Variants in TNS1 observed in about 807,000 individuals in gnomAD.
The protein encoded by TNS1 is tensin-1.
Under a neutral mutation model 168.6 loss-of-function variants are expected in TNS1, and 62 were observed. That is an observed-to-expected ratio of 0.37 (90% CI 0.30 to 0.45). The LOEUF (loss-of-function observed/expected upper bound fraction) is 0.45. TNS1 is among the 20% of genes least tolerant of loss of function. TNS1 has a pLI of 1.00. For synonymous variants in TNS1, 934 were observed against 933.2 expected (o/e 1.00, Z -0.02); for missense variants, 2,240 against 2,339.4 (o/e 0.96, Z 0.88).
chr2:218,028,135 C>T (rs1234344437), intron 1 of TNS1, among the ~76,000 whole-genome samples: 2 of 152,192 alleles, frequency 1.3e-5, no homozygotes, highest in Non-Finnish European at 2.9e-5. Flanking sequence ...TTTTCTCATG[C>T]TCTTCAAACC....
intron 1 of TNS1, among the ~76,000 whole-genome samples, chr2:218,019,071 C>T (rs1235495251): frequency 1.3e-5 from 2 of 151,104 alleles, no homozygotes; most frequent in African/African-American, 4.9e-5. Flanking sequence ...AGCAAGATTC[C>T]ATCGCCCAAA....
chr2:217,982,313 G>A (rs1958073272), intron 2 of TNS1, among the ~76,000 whole-genome samples: 1 of 151,848 alleles, frequency 6.6e-6, no homozygotes. Context: ...CTCTGAGCCA[G>A]AACCACCCAG....
intron 19 of TNS1, among the ~76,000 whole-genome samples, chr2:217,838,266 C>A (rs536619905): frequency 9.8e-5 from 15 of 152,324 alleles, no homozygotes; most frequent in South Asian, 2.1e-4. Context: ...ATTTGAGGCA[C>A]CGAATCTCCT....
At position 217,848,562 on chromosome 2, in the gene TNS1, T is replaced by C. The variant is rs189921106; in HGVS notation, c.1955A>G (p.Asn652Ser). 16 of 1,614,130 alleles carry C rather than the reference T, an allele frequency of 9.9e-6. No individual in the cohort carries two copies. In the Admixed American group the frequency reaches 2.0e-4, roughly 20 times the overall value. ...GTLSSLDGVT[N>S]TSEGGYPEAL... ...CTCTGGGTAGCCCCCCTCACTGGTG[T>C]TGGTGACCCCGTCCAGAGAAGAGAG... is the stretch of plus-strand genomic sequence containing the variant. Residue 652 changes from asparagine (N) to serine (S), a missense_variant, in exon 19 of 33, where the codon AAC (asparagine) becomes AGC (serine). Asn to Ser is a conservative substitution (Grantham distance 46). Transcript: ENST00000682258.
chr2:218,010,061 G>GT (rs1478667210), intron 1 of TNS1: 3 of 394,274 alleles, frequency 7.6e-6, no homozygotes, highest in African/African-American at 4.2e-5. Flanking sequence ...GGGGGCGGGG[G>GT]GGGGTCGGAA....
intron 3 of TNS1, among the ~76,000 whole-genome samples, chr2:217,959,784 G>A (rs533581018): frequency 2.0e-5 from 3 of 152,034 alleles, no homozygotes; most frequent in Non-Finnish European, 2.9e-5. Context: ...GGCATTAGCC[G>A]GAGGACACAG....
At chr2:217,886,483 T>G in intron 13 of TNS1, 51 bp downstream of exon 13, 2 of 1,420,224 alleles carry the variant, frequency 1.4e-6, no homozygotes, top group Non-Finnish European at 1.9e-6. Flanking sequence ...AGATGGAAGA[T>G]GAAAGGGAGG....
chr2:218,008,650 TGCTGGC>T lies in TNS1; in HGVS notation c.96+1444_96+1449del, dbSNP rs1222920314. On this transcript the variant is annotated intron_variant, in intron 1 of 32. Transcript: ENST00000646520. ...ACCTTGGGTAACTGGAACAGAAGCC[TGCTGGC>T]ACCTTTCCCCACTGCGGAACAGCAG... Among the ~76,000 whole-genome samples, 4 of 152,240 alleles carry T rather than the reference TGCTGGC, an allele frequency of 2.6e-5. No homozygotes were observed. In the East Asian group the frequency reaches 7.7e-4, roughly 29 times the overall value.
At chr2:217,949,877 T>C (rs999588244) in intron 3 of TNS1, among the ~76,000 whole-genome samples, 4 of 152,042 alleles carry the variant, frequency 2.6e-5, no homozygotes, top group Non-Finnish European at 5.9e-5. Flanking sequence ...AAAACAAGGG[T>C]TCCAAAGCCA....
chr2:217,917,715 C>T (rs1187899655), intron 4 of TNS1, among the ~76,000 whole-genome samples: 1 of 151,338 alleles, frequency 6.6e-6, no homozygotes, highest in Non-Finnish European at 1.5e-5. Context: ...CCTGTAGTCC[C>T]AGCTACTCAG....
At chr2:218,023,076 A>G (rs79048224) in intron 1 of TNS1, among the ~76,000 whole-genome samples, 4 of 152,330 alleles carry the variant, frequency 2.6e-5, no homozygotes, top group Non-Finnish European at 5.9e-5. Context: ...CAATCTGGGG[A>G]GGAGGTCCCA....
At position 217,948,454 on chromosome 2, in the gene TNS1, A is replaced by G. The variant is rs1957167226; in HGVS notation, c.187-28218T>C. On this transcript the variant is annotated intron_variant, in intron 3 of 32. Coordinates refer to ENST00000682258, the MANE Select transcript of TNS1 (RefSeq NM_001387777.1). This position sits in a 1 kb window ranked among gnomAD's most constrained non-coding sequence, Gnocchi z 4.1. ...TGGGCCTCTGAATCCTGCTAGGCCC[A>G]ACACACCCCATAGGGAGCCAGGCCC... is the stretch of plus-strand genomic sequence containing the variant. 6.6e-6 allele frequency among the ~76,000 whole-genome samples: 1 copy of G among 152,170 alleles called. No individual in the cohort carries two copies. The highest frequency in any genetic ancestry group is 2.4e-5 in the African/African-American group (1 of 41,434).
chr2:217,851,262 G>A (rs570496464), intron 18 of TNS1, among the ~76,000 whole-genome samples: 7 of 152,206 alleles, frequency 4.6e-5, no homozygotes, highest in Admixed American at 2.0e-4. Flanking sequence ...CCTTAGGCCA[G>A]AAGTGGCAGC....
At chr2:217,809,716 C>A (rs1158646088) in intron 30 of TNS1, 107 bp downstream of exon 30, 6 of 1,162,300 alleles carry the variant, frequency 5.2e-6, no homozygotes, top group African/African-American at 1.5e-5. Context: ...GGTAGATGAG[C>A]AGTTGGGTGC....
In TNS1 at chr2:217,813,889, G is replaced by A. The variant is rs1941435813; in HGVS notation, c.4730-73C>T. 6.8e-7 allele frequency: 1 copy of A among 1,471,708 alleles called. No homozygotes were observed. The highest frequency in any genetic ancestry group is 2.6e-5 in the Admixed American group (1 of 38,846). 91.2% of individuals were successfully genotyped at this position (1,471,708 alleles called of 1,614,324 possible). ...GCGCTAGTTTTACTTAAGTCTCATTGAGCCTACCGACCTTCGTTCTTTCTT... is the reference window on the plus strand; with the variant it reads ...GCGCTAGTTTTACTTAAGTCTCATTAAGCCTACCGACCTTCGTTCTTTCTT... On this transcript the variant is annotated intron_variant, in intron 25 of 32. Coordinates refer to ENST00000682258, the MANE Select transcript of TNS1 (RefSeq NM_001387777.1). The surrounding 1 kb of genome is among the most constrained non-coding windows in gnomAD (Gnocchi z 4.0).
chr2:217,958,003 T>TCACACACACACACACACA (rs57381974), intron 3 of TNS1, among the ~76,000 whole-genome samples: 6,909 of 145,656 alleles, frequency 0.047, 221 homozygotes, highest in African/African-American at 0.081. Context: ...AATAAAGAAT[T>TCACACACACACACACACA]CACACACACA....
chr2:217,808,054 G>C (rs760776947), intron 32 of TNS1, 21 bp downstream of exon 32: 1 of 1,613,110 alleles, frequency 6.2e-7, no homozygotes, highest in Non-Finnish European at 8.5e-7. Flanking sequence ...CTGCTGGGCA[G>C]GGGTAAGAAG....
At chr2:217,916,157 C>A (rs1046526141) in intron 4 of TNS1, among the ~76,000 whole-genome samples, 1 of 152,144 alleles carries the variant, frequency 6.6e-6, no homozygotes, top group African/African-American at 2.4e-5. Flanking sequence ...TATGAAGTTC[C>A]AGTAAAGGGT....
At chr2:217,991,109 G>A in intron 1 of TNS1, 53 bp from the exon 2 acceptor site, 1 of 559,618 alleles carries the variant, frequency 1.8e-6, no homozygotes. Flanking sequence ...GGGGTCCTGG[G>A]GAAGGAGTAG....
Sources: gnomAD v4.1 joint callset for allele counts (sites outside exome capture counted in the v4.1 genomes callset) on GRCh38, gnomAD v4.1.1 for gene constraint, Gnocchi (gnomAD v3.1) non-coding constraint, MANE v1.5 for transcripts, NCBI Gene and HGNC (gene_info 2026-07-23, HGNC 2026-07-21) for gene names.